EPB41: variants seen among roughly 807,000 people sequenced by gnomAD.
The protein encoded by EPB41 is protein 4.1.
Under a neutral mutation model 108.0 loss-of-function variants are expected in EPB41, and 65 were observed. The observed-to-expected ratio is 0.60, with a 90% CI of 0.49 to 0.74. The LOEUF (loss-of-function observed/expected upper bound fraction) is 0.74. Among genes scored for constraint, EPB41 ranks in the 30% least tolerant of loss-of-function variants. The probability of loss-of-function intolerance (pLI) is 0.00; values close to 1 mark genes in which losing one functional copy is unlikely to be tolerated. For missense variants in EPB41, 875 were observed against 1,037.0 expected, an observed-to-expected ratio of 0.84 and a Z score of 2.15; for synonymous variants, 336 against 358.9, an observed-to-expected ratio of 0.94 and a Z score of 0.72.
chr1:28,949,233 C>G (rs1347112622), intron 1 of EPB41, among the ~76,000 whole-genome samples: 1 of 152,146 alleles, frequency 6.6e-6, no homozygotes, highest in Non-Finnish European at 1.5e-5. Context: ...TGCTTGAGCT[C>G]AGGAGTTTGG....
intron 17 of EPB41, among the ~76,000 whole-genome samples, chr1:29,098,475 G>A (rs950943156): frequency 1.3e-5 from 2 of 152,116 alleles, no homozygotes; most frequent in African/African-American, 4.8e-5. Flanking sequence ...GATTATAGGC[G>A]TGAGCCACCA....
At chr1:29,004,250 A>C (rs1440364967) in intron 4 of EPB41, among the ~76,000 whole-genome samples, 1 of 152,244 alleles carries the variant, frequency 6.6e-6, no homozygotes, top group Non-Finnish European at 1.5e-5. Flanking sequence ...TCTAAGCAGA[A>C]AACTTGTGCT....
chr1:28,937,765 A>G (rs947586029), intron 1 of EPB41, among the ~76,000 whole-genome samples: 2 of 152,214 alleles, frequency 1.3e-5, no homozygotes, highest in Non-Finnish European at 2.9e-5. Context: ...GTAAGAAATC[A>G]TTGCCTAAAT....
intron 4 of EPB41, 91 bp from the exon 5 acceptor site, chr1:29,011,774 C>T: frequency 7.3e-7 from 1 of 1,372,772 alleles, no homozygotes; most frequent in Non-Finnish European, 1.0e-6. Context: ...TCTGGAGGCA[C>T]TATTTGAAGA....
chr1:29,069,275 C>T, intron 16 of EPB41: 1 of 1,231,580 alleles, frequency 8.1e-7, no homozygotes, highest in Non-Finnish European at 1.0e-6. Context: ...GAACTTAGAG[C>T]CAAGTTTTTC....
chr1:28,952,189 C>T (rs1295340793), intron 1 of EPB41, among the ~76,000 whole-genome samples: 2 of 151,350 alleles, frequency 1.3e-5, no homozygotes, highest in Admixed American at 6.6e-5. Context: ...TTATCCCTTC[C>T]TGGAGTGAGG....
intron 1 of EPB41, among the ~76,000 whole-genome samples, chr1:28,945,662 A>G (rs1235831781): frequency 6.6e-6 from 1 of 152,252 alleles, no homozygotes; most frequent in African/African-American, 2.4e-5. Context: ...AAATTAGGAA[A>G]TGGGCCAAAG....
At chr1:29,083,857 C>T (rs1363151009) in intron 16 of EPB41, among the ~76,000 whole-genome samples, 1 of 152,154 alleles carries the variant, frequency 6.6e-6, no homozygotes, top group Non-Finnish European at 1.5e-5. Flanking sequence ...AATATAGAAG[C>T]AAAGCACTCG....
chr1:28,995,186 C>T (rs1358690437), intron 3 of EPB41, among the ~76,000 whole-genome samples: 7 of 152,000 alleles, frequency 4.6e-5, no homozygotes, highest in Admixed American at 3.3e-4. Context: ...AGCTATTTTA[C>T]ACCTATTCTT....
chr1:28,944,533 GGT>G (rs1491446184), intron 1 of EPB41, among the ~76,000 whole-genome samples: 59 of 106,636 alleles, frequency 5.5e-4, no homozygotes, highest in African/African-American at 2.2e-3. Flanking sequence ...TCTCAGATCT[GGT>G]TTTTTTTTTT....
intron 1 of EPB41, among the ~76,000 whole-genome samples, chr1:28,965,797 C>A (rs1314437352): frequency 1.3e-5 from 2 of 152,164 alleles, no homozygotes; most frequent in Non-Finnish European, 2.9e-5. Flanking sequence ...AAGGAAAATA[C>A]TTGGAATAAA....
intron 3 of EPB41, among the ~76,000 whole-genome samples, chr1:28,996,790 A>G (rs1339049478): frequency 6.6e-6 from 1 of 152,250 alleles, no homozygotes; most frequent in Non-Finnish European, 1.5e-5. Flanking sequence ...AGATGAAAGA[A>G]GAAATCGGAA....
In EPB41 at chr1:28,968,253, G is replaced by T. The variant is rs146785045; in HGVS notation, c.-7-19178G>T. On this transcript the variant is annotated intron_variant, in intron 1 of 20. Transcript: ENST00000343067. Reference sequence around the variant, plus strand: ...TCCTTTAGTCCCAGCTACTCGGGAGGCTGAGGCAGGAGAATCTCTTGAACC... The same window carrying T: ...TCCTTTAGTCCCAGCTACTCGGGAGTCTGAGGCAGGAGAATCTCTTGAACC... Among the ~76,000 whole-genome samples, 1,164 of 151,980 alleles carry T rather than the reference G, an allele frequency of 7.7e-3. 10 individuals carry two copies. The highest frequency in any genetic ancestry group is 0.058 in the Middle Eastern group (17 of 292).
intron 1 of EPB41, among the ~76,000 whole-genome samples, chr1:28,923,657 A>G (rs2093274249): frequency 6.6e-6 from 1 of 152,150 alleles, no homozygotes; most frequent in Non-Finnish European, 1.5e-5. Flanking sequence ...TAATATGACC[A>G]TTAATGGACA....
At chr1:28,926,345 C>T (rs1382157557) in intron 1 of EPB41, among the ~76,000 whole-genome samples, 1 of 152,112 alleles carries the variant, frequency 6.6e-6, no homozygotes, top group Non-Finnish European at 1.5e-5. Flanking sequence ...TAGAACAGTG[C>T]CCAGCACCAG....
Position 29,043,116 on chromosome 1 carries a change from CAAAG to C in EPB41, c.1636+3693_1636+3696del, listed in dbSNP as rs530177813. ...GGAGCTTACCTTCTGTCATTGGAAA[CAAAG>C]AAGAATAAAACAAAATAATTTCAGA... On this transcript the variant is annotated intron_variant, in intron 11 of 20. Coordinates refer to ENST00000343067, the MANE Select transcript of EPB41 (RefSeq NM_001376013.1). Among the ~76,000 whole-genome samples, 467 of 152,156 alleles carry C rather than the reference CAAAG, an allele frequency of 3.1e-3. 3 individuals carry two copies. Among genetic ancestry groups the C allele is most frequent in the African/African-American group, 0.011 (442 of 41,510 alleles).
At chr1:28,977,592 C>T (rs1444553189) in intron 1 of EPB41, among the ~76,000 whole-genome samples, 1 of 151,998 alleles carries the variant, frequency 6.6e-6, no homozygotes, top group African/African-American at 2.4e-5. Flanking sequence ...AATCAAAAGA[C>T]CTCTTTCTGA....
intron 2 of EPB41, among the ~76,000 whole-genome samples, chr1:28,989,764 G>C (rs531228523): frequency 6.6e-6 from 1 of 152,116 alleles, no homozygotes; most frequent in East Asian, 1.9e-4. Context: ...TTCCTCCTCT[G>C]TACAATGGGG....
rs542440255 is a variant in EPB41 at position 28,967,946 on chromosome 1, A to G, written c.-7-19485A>G. 1.3e-5 allele frequency among the ~76,000 whole-genome samples: 2 copies of G among 152,092 alleles called. 1 individual carries two copies. Among genetic ancestry groups the G allele is most frequent in the South Asian group, 4.2e-4 (2 of 4,816 alleles). On this transcript the variant is annotated intron_variant, in intron 1 of 20. Transcript: ENST00000343067. ...CAACCTCCTGAATAGCTGGGATTAC[A>G]GGCATGCACCGCCACGCCTGGCAAA... is the stretch of plus-strand genomic sequence containing the variant.
Sources: gnomAD v4.1 joint callset for allele counts (sites outside exome capture counted in the v4.1 genomes callset) on GRCh38, gnomAD v4.1.1 for gene constraint, MANE v1.5 for transcripts, NCBI Gene and HGNC (gene_info 2026-07-23, HGNC 2026-07-21) for gene names.